Variants in CAST observed in about 807,000 individuals in gnomAD.
The protein encoded by CAST is calpastatin.
Under a neutral mutation model 119.6 loss-of-function variants are expected in CAST, and 76 were observed. That is an observed-to-expected ratio of 0.64 (90% CI 0.53 to 0.77). The LOEUF (loss-of-function observed/expected upper bound fraction) is 0.77. CAST is among the 30% of genes least tolerant of loss of function. The probability of loss-of-function intolerance (pLI) is 0.00; values close to 1 mark genes in which losing one functional copy is unlikely to be tolerated. For synonymous variants in CAST, 319 were observed against 331.6 expected, an observed-to-expected ratio of 0.96 and a Z score of 0.41; for missense variants, 953 against 946.5, an observed-to-expected ratio of 1.01 and a Z score of -0.09.
chr5:96,008,807 T>G, the CAST span, among the ~76,000 whole-genome samples: 2 of 152,234 alleles, frequency 1.3e-5, no homozygotes, highest in Non-Finnish European at 2.9e-5. Flanking sequence ...AGAATCCTGG[T>G]GATATTATGT....
the CAST span, among the ~76,000 whole-genome samples, chr5:96,254,892 G>A: frequency 6.6e-6 from 1 of 152,060 alleles, no homozygotes; most frequent in Non-Finnish European, 1.5e-5. Context: ...ATTTTATATT[G>A]CTAAAAGTAT....
chr5:95,976,387 A>G, the CAST span, among the ~76,000 whole-genome samples: 2 of 152,040 alleles, frequency 1.3e-5, no homozygotes, highest in South Asian at 2.1e-4. Flanking sequence ...TTTGGTGTTC[A>G]TATTCAGACA....
chr5:96,261,035 C>T, the CAST span, among the ~76,000 whole-genome samples: 2 of 152,306 alleles, frequency 1.3e-5, no homozygotes, highest in Admixed American at 1.3e-4. Flanking sequence ...TTTTGAGATT[C>T]CTGAGCATCT....
At chr5:96,440,500 C>A in the CAST span, among the ~76,000 whole-genome samples, 63 of 152,132 alleles carry the variant, frequency 4.1e-4, no homozygotes, top group Middle Eastern at 6.8e-3. Flanking sequence ...TTGTTACATG[C>A]CAAGGAGAGG....
At chr5:96,062,018 A>G in the CAST span, among the ~76,000 whole-genome samples, 1 of 152,140 alleles carries the variant, frequency 6.6e-6, no homozygotes, top group Non-Finnish European at 1.5e-5. Flanking sequence ...AATTGGTGAC[A>G]GCCTGATTAC....
chr5:96,278,388 C>T, the CAST span, among the ~76,000 whole-genome samples: 1 of 152,068 alleles, frequency 6.6e-6, no homozygotes, highest in Non-Finnish European at 1.5e-5. Context: ...TCTGAGAGAA[C>T]ACTCCGGAAA....
the CAST span, among the ~76,000 whole-genome samples, chr5:96,223,830 T>TA: frequency 6.6e-6 from 1 of 152,204 alleles, no homozygotes; most frequent in Non-Finnish European, 1.5e-5. Context: ...ATAGACTAGG[T>TA]AATTACTGTC....
the CAST span, among the ~76,000 whole-genome samples, chr5:96,018,687 A>G: frequency 6.6e-6 from 1 of 152,214 alleles, no homozygotes; most frequent in African/African-American, 2.4e-5. Context: ...GGAACTCTCT[A>G]AAAGATGTGA....
the CAST span, among the ~76,000 whole-genome samples, chr5:96,476,927 C>CAAA: frequency 0.012 from 1,651 of 132,098 alleles, 24 homozygotes; most frequent in Middle Eastern, 0.029. Flanking sequence ...ATGTGGATGG[C>CAAA]AAAAAAAAAA....
At chr5:96,277,497 A>C in the CAST span, among the ~76,000 whole-genome samples, 1 of 152,172 alleles carries the variant, frequency 6.6e-6, no homozygotes, top group Admixed American at 6.6e-5. Flanking sequence ...TTAGCTGATT[A>C]TATTATTTCA....
the CAST span, among the ~76,000 whole-genome samples, chr5:96,050,850 G>A: frequency 0.049 from 7,391 of 152,150 alleles, 229 homozygotes; most frequent in Non-Finnish European, 0.074. Flanking sequence ...GCGGAGGAGC[G>A]GGCTCGGAAA....
chr5:96,353,560 A>G, the CAST span, among the ~76,000 whole-genome samples: 1 of 151,960 alleles, frequency 6.6e-6, no homozygotes, highest in Non-Finnish European at 1.5e-5. Context: ...ACCTTCACCA[A>G]TGTGAGTGTG....
the CAST span, among the ~76,000 whole-genome samples, chr5:96,397,626 T>C: frequency 6.6e-6 from 1 of 152,186 alleles, no homozygotes; most frequent in Admixed American, 6.5e-5. Context: ...AAGGAAAAAA[T>C]ATGATGTTTT....
chr5:96,382,979 C>T, the CAST span, among the ~76,000 whole-genome samples: 1 of 152,178 alleles, frequency 6.6e-6, no homozygotes, highest in Non-Finnish European at 1.5e-5. Flanking sequence ...CATAAGTACT[C>T]ATTGATGTTC....
chr5:96,651,277 C>A (rs113707885), intron 1 of CAST, among the ~76,000 whole-genome samples: 6,318 of 152,314 alleles, frequency 0.041, 177 homozygotes, highest in Middle Eastern at 0.092. Flanking sequence ...CTCCACCACA[C>A]TGCAGAGGAT....
chr5:96,173,604 C>T, the CAST span, among the ~76,000 whole-genome samples: 1 of 152,134 alleles, frequency 6.6e-6, no homozygotes, highest in East Asian at 1.9e-4. Context: ...CTATTTGGTA[C>T]ATGTGGTAGT....
chr5:96,301,038 A>G, the CAST span, among the ~76,000 whole-genome samples: 1 of 152,108 alleles, frequency 6.6e-6, no homozygotes, highest in East Asian at 1.9e-4. Context: ...AGACTGGGTA[A>G]TTTATGAAGA....
the CAST span, among the ~76,000 whole-genome samples, chr5:96,134,768 A>G: frequency 2.6e-5 from 4 of 152,202 alleles, no homozygotes; most frequent in African/African-American, 9.6e-5. Flanking sequence ...GTATTGTTCC[A>G]GGCAGTGGCA....
At position 96,711,404 on chromosome 5, in the gene CAST, G is replaced by A. The variant is rs144663883; in HGVS notation, c.211-11235G>A. 1.6e-3 allele frequency among the ~76,000 whole-genome samples: 240 copies of A among 152,208 alleles called. 3 individuals carry two copies. The highest frequency in any genetic ancestry group is 2.0e-3 in the Non-Finnish European group (134 of 68,004). On this transcript the variant is annotated intron_variant, in intron 3 of 31. Transcript: ENST00000675179. ...GGGGCAGGATTCAGTCTAGCAGCAC[G>A]TATATAGTTTAGAGAAACTCTACAG...
Sources: gnomAD v4.1 joint callset for allele counts (sites outside exome capture counted in the v4.1 genomes callset) on GRCh38, gnomAD v4.1.1 for gene constraint, MANE v1.5 for transcripts, NCBI Gene and HGNC (gene_info 2026-07-23, HGNC 2026-07-21) for gene names.